The following SPON1 variants were observed in gnomAD, a reference collection of about 807,000 sequenced individuals.
SPON1 encodes spondin 1, also known as spondin-1.
Under a neutral mutation model 111.7 loss-of-function variants are expected in SPON1, and 52 were observed. That is an observed-to-expected ratio of 0.47 (90% CI 0.37 to 0.59). The LOEUF is 0.59. SPON1 is among the 20% of genes least tolerant of loss of function. The pLI is 0.00. For missense variants in SPON1, 957 were observed against 1,068.5 expected (o/e 0.90, Z 1.46); for synonymous variants, 410 against 395.8 (o/e 1.04, Z -0.43).
chr11:14,154,163 G>C (rs190314403), intron 6 of SPON1, among the ~76,000 whole-genome samples: 1 of 152,168 alleles, frequency 6.6e-6, no homozygotes, highest in Non-Finnish European at 1.5e-5. Context: ...TCTGGAGAAT[G>C]GTGACCCTCT....
intron 2 of SPON1, among the ~76,000 whole-genome samples, chr11:14,028,670 G>T (rs1848536692): frequency 6.6e-6 from 1 of 152,092 alleles, no homozygotes; most frequent in South Asian, 2.1e-4. Context: ...TCACTTCAAT[G>T]ACTCAAAGTC....
rs55779522 is a variant in SPON1 at position 14,202,740 on chromosome 11, A to G, written c.826-40592A>G. The stretch of plus-strand genomic sequence containing the variant: ...TCCTGTCTTTTACCATGATTTTTGC[A>G]GGTGGCTAATATCATCAATTATTTT... On this transcript the variant is annotated intron_variant, in intron 6 of 15. Transcript: ENST00000576479. 7.0e-3 allele frequency among the ~76,000 whole-genome samples: 1,064 copies of G among 152,298 alleles called. 13 individuals carry two copies. Among genetic ancestry groups the G allele is most frequent in the African/African-American group, 0.025 (1,037 of 41,562 alleles).
intron 2 of SPON1, among the ~76,000 whole-genome samples, chr11:14,038,715 A>C (rs1489787252): frequency 6.6e-6 from 1 of 152,248 alleles, no homozygotes; most frequent in Non-Finnish European, 1.5e-5. Flanking sequence ...AATCCTGTGG[A>C]GGATGTGGAA....
At chr11:14,173,430 T>G (rs1564923351) in intron 6 of SPON1, among the ~76,000 whole-genome samples, 1 of 152,168 alleles carries the variant, frequency 6.6e-6, no homozygotes, top group East Asian at 1.9e-4. Flanking sequence ...GCTTTGCCAT[T>G]GGTTCGAACT....
At chr11:14,106,370 C>A (rs782169785) in intron 5 of SPON1, among the ~76,000 whole-genome samples, 6 of 152,160 alleles carry the variant, frequency 3.9e-5, no homozygotes, top group Non-Finnish European at 7.3e-5. Flanking sequence ...TATGTATGGT[C>A]ACCCAGGAAT....
chr11:14,001,092 C>T (rs1409505268), intron 2 of SPON1, among the ~76,000 whole-genome samples: 5 of 152,084 alleles, frequency 3.3e-5, no homozygotes, highest in Non-Finnish European at 5.9e-5. Context: ...ATGAGGCAAA[C>T]CTTCGCCACC....
chr11:14,077,443 G>GT (rs1848926677), intron 4 of SPON1, among the ~76,000 whole-genome samples: 1 of 150,200 alleles, frequency 6.7e-6, no homozygotes, highest in South Asian at 2.1e-4. Flanking sequence ...TTTTTTTTTA[G>GT]TTTTTTTGAG....
chr11:14,001,468 C>G (rs372823435), intron 2 of SPON1, among the ~76,000 whole-genome samples: 2 of 152,084 alleles, frequency 1.3e-5, no homozygotes, highest in South Asian at 4.2e-4. Context: ...TTATCTGATC[C>G]GAAGAAAGAA....
intron 3 of SPON1, among the ~76,000 whole-genome samples, chr11:14,073,914 G>T (rs1334952185): frequency 6.6e-6 from 1 of 152,160 alleles, no homozygotes; most frequent in Non-Finnish European, 1.5e-5. Context: ...TTGAAATTAG[G>T]ATGGAGCCTT....
At chr11:13,964,079 C>T (rs1388527795) in intron 1 of SPON1, among the ~76,000 whole-genome samples, 9 of 152,182 alleles carry the variant, frequency 5.9e-5, no homozygotes, top group African/African-American at 2.2e-4. Flanking sequence ...CGACCAGCAC[C>T]GATCTGAAGA....
chr11:14,254,699 C>G lies in SPON1; in HGVS notation c.1062C>G (p.Asp354Glu). The stretch of plus-strand genomic sequence containing the variant: ...TGGTGCAAGACCTGATTCCCTGGGA[C>G]GCTGGCACCGACAGCGGGGTGACCT... ...QKVVQDLIPW[D>E]AGTDSGVTYE... The change falls in exon 8 of 16, where the codon GAC becomes GAG. Residue 354 changes from aspartate to glutamate, a missense_variant. By Grantham distance (45) the Asp-to-Glu change is conservative. Around this residue, in one of 5 missense-constraint regions of SPON1, gnomAD observed 19 missense variants for 47.5 expected, o/e 0.40. Coordinates refer to ENST00000576479, the MANE Select transcript of SPON1 (RefSeq NM_006108.4). The G allele has an allele frequency of 6.2e-7, 1 of 1,613,884 alleles. No individual in the cohort carries two copies. Among genetic ancestry groups the G allele is most frequent in the South Asian group, 1.1e-5 (1 of 91,064 alleles).
Position 14,260,698 on chromosome 11 carries a change from G to A in SPON1, c.1942G>A (p.Gly648Arg). Residue 648 changes from glycine (G) to arginine (R), a missense_variant, in exon 14 of 16, where the codon GGA becomes AGA. This residue lies in a region of SPON1 where 549 missense variants were observed against 606.2 expected (regional missense o/e 0.91). Coordinates refer to ENST00000576479, the MANE Select transcript of SPON1 (RefSeq NM_006108.4). ...GATGCTCAAGTCTCTGGCAGAACTT[G>A]GAGACTGCAATGAGGATCTGGAGCA... ...QRMLKSLAEL[G>R]DCNEDLEQVE... 6.2e-7 allele frequency: 1 copy of A among 1,614,012 alleles called. No homozygotes were observed. The highest frequency in any genetic ancestry group is 8.5e-7 in the Non-Finnish European group (1 of 1,179,894).
intron 6 of SPON1, among the ~76,000 whole-genome samples, chr11:14,232,400 T>A (rs1264130210): frequency 6.6e-6 from 1 of 152,204 alleles, no homozygotes; most frequent in Non-Finnish European, 1.5e-5. Flanking sequence ...CATCTATCAT[T>A]GCTGGATGAA....
chr11:14,261,236 C>T (rs1849167817), intron 14 of SPON1, among the ~76,000 whole-genome samples: 3 of 152,324 alleles, frequency 2.0e-5, no homozygotes, highest in Middle Eastern at 3.4e-3. Context: ...CCCCGCTCCA[C>T]TCCCAGTCCT....
At chr11:14,004,087 T>C (rs1038371299) in intron 2 of SPON1, among the ~76,000 whole-genome samples, 2 of 152,166 alleles carry the variant, frequency 1.3e-5, no homozygotes, top group Admixed American at 6.6e-5. Context: ...TCCAGGTCCA[T>C]CTTTGTTGTG....
intron 3 of SPON1, among the ~76,000 whole-genome samples, chr11:14,068,434 C>A (rs1848849957): frequency 6.6e-6 from 1 of 152,162 alleles, no homozygotes. Context: ...AAGAGCCTAA[C>A]CGACCTCTTA....
chr11:14,169,701 G>T (rs1265423911), intron 6 of SPON1, among the ~76,000 whole-genome samples: 6 of 152,160 alleles, frequency 3.9e-5, no homozygotes, highest in Admixed American at 3.9e-4. Flanking sequence ...TCCAGTTTCA[G>T]CTTTCTACAT....
chr11:14,174,984 A>C (rs1282446021), intron 6 of SPON1, among the ~76,000 whole-genome samples: 2 of 149,222 alleles, frequency 1.3e-5, no homozygotes, highest in East Asian at 4.0e-4. Flanking sequence ...TAGAAGCTCT[A>C]CAAGATAGTT....
At chr11:13,965,875 A>G (rs1263081819) in intron 1 of SPON1, among the ~76,000 whole-genome samples, 3 of 151,948 alleles carry the variant, frequency 2.0e-5, no homozygotes, top group Non-Finnish European at 4.4e-5. Flanking sequence ...CTGGTGTTCT[A>G]TTTGCTTTTT....
Sources: allele counts gnomAD v4.1 joint callset (sites outside exome capture counted in the v4.1 genomes callset), GRCh38; gene constraint gnomAD v4.1.1; regional missense constraint gnomAD v4.1.1; transcripts MANE v1.5; gene names NCBI Gene and HGNC (gene_info 2026-07-23, HGNC 2026-07-21).